Variants in DNAH14 observed in about 807,000 individuals in gnomAD.
The protein encoded by DNAH14 is axonemal beta dynein heavy chain 14.
In DNAH14, 478 loss-of-function variants were observed where a neutral mutation model predicts 520.9. The observed-to-expected ratio is 0.92, with a 90% CI of 0.85 to 0.99. DNAH14 has a LOEUF of 0.99. Among genes scored for constraint, DNAH14 ranks in the 50% least tolerant of loss-of-function variants. The pLI is 0.00. For synonymous variants in DNAH14, 1,581 were observed against 1,757.2 expected (o/e 0.90, Z 2.51); for missense variants, 4,831 against 5,234.5 (o/e 0.92, Z 2.38).
chr1:225,205,206 A>G (rs1025948709), intron 39 of DNAH14, among the ~76,000 whole-genome samples: 2 of 152,102 alleles, frequency 1.3e-5, no homozygotes, highest in Non-Finnish European at 2.9e-5. Flanking sequence ...TTGAAATTCT[A>G]ACTCCCAAGG....
At chr1:225,324,885 A>G (rs1324293122) in intron 64 of DNAH14, 53 bp downstream of exon 64, 1 of 1,373,800 alleles carries the variant, frequency 7.3e-7, no homozygotes, top group East Asian at 2.5e-5. Context: ...GGACAATGTA[A>G]TTATCTCAGG....
chr1:225,384,651 A>G (rs2095819346), intron 81 of DNAH14, among the ~76,000 whole-genome samples: 1 of 152,246 alleles, frequency 6.6e-6, no homozygotes, highest in Non-Finnish European at 1.5e-5. Flanking sequence ...ATTCCTGGAC[A>G]GGTACACCCT....
intron 60 of DNAH14, among the ~76,000 whole-genome samples, chr1:225,316,852 C>G (rs1241444458): frequency 6.6e-6 from 1 of 152,210 alleles, no homozygotes; most frequent in Non-Finnish European, 1.5e-5. Flanking sequence ...TACGTTTTCT[C>G]ACCGCATACT....
At chr1:225,327,649 A>G (rs2094705280) in intron 64 of DNAH14, among the ~76,000 whole-genome samples, 1 of 152,180 alleles carries the variant, frequency 6.6e-6, no homozygotes, top group South Asian at 2.1e-4. Flanking sequence ...ACCTAACTTC[A>G]CACCTGAAGG....
At chr1:225,327,034 A>C (rs2094687095) in intron 64 of DNAH14, among the ~76,000 whole-genome samples, 1 of 152,232 alleles carries the variant, frequency 6.6e-6, no homozygotes, top group African/African-American at 2.4e-5. Context: ...TCTCAGTTGC[A>C]CCTGAGATAT....
chr1:225,296,514 T>G (rs1023961726), intron 55 of DNAH14, among the ~76,000 whole-genome samples: 4 of 151,636 alleles, frequency 2.6e-5, no homozygotes, highest in Non-Finnish European at 4.4e-5. Context: ...GGGTGGTTTT[T>G]TTTTTTTTGC....
chr1:225,324,112 G>C lies in DNAH14; in HGVS notation c.9496-110G>C. 2.2e-6 allele frequency: 3 copies of C among 1,369,634 alleles called. No homozygotes were observed. In the Middle Eastern group the frequency reaches 6.8e-4, roughly 308 times the overall value. 84.8% of individuals were successfully genotyped at this position (1,369,634 alleles called of 1,614,324 possible). On this transcript the variant is annotated intron_variant, in intron 62 of 85. Coordinates refer to ENST00000682510, the MANE Select transcript of DNAH14 (RefSeq NM_001367479.1). ...TTTATAGGCATGAGCCGCCGCCCCC[G>C]GCCTGAATATTTTAATATGAAATAA...
rs186592733 is a variant in DNAH14 at position 225,377,215 on chromosome 1, T to C, written c.12517-22T>C. The C allele has an allele frequency of 6.4e-4, 883 of 1,376,132 alleles. 7 individuals are homozygous for C. Among genetic ancestry groups the C allele is most frequent in the Non-Finnish European group, 1.5e-4 (157 of 1,056,404 alleles). 85.2% of individuals were successfully genotyped at this position (1,376,132 alleles called of 1,614,324 possible). A position where few individuals can be genotyped will look rare whatever the true frequency, so the allele number is the denominator to read the frequency against. ...AAGTAGCAGGATTGAAGAAAAAAGC[T>C]AACAAAATGTTAAATTTTCAGATAT... On this transcript the variant is annotated intron_variant, in intron 78 of 85. Coordinates refer to ENST00000682510, the MANE Select transcript of DNAH14 (RefSeq NM_001367479.1).
At chr1:225,395,568 C>T (rs1251080412) in intron 84 of DNAH14, among the ~76,000 whole-genome samples, 3 of 135,946 alleles carry the variant, frequency 2.2e-5, no homozygotes. Context: ...CTCCAGCCTG[C>T]GCGACAGAGT....
chr1:225,089,163 G>T (rs2074095399), intron 21 of DNAH14, among the ~76,000 whole-genome samples: 1 of 152,136 alleles, frequency 6.6e-6, no homozygotes, highest in South Asian at 2.1e-4. Context: ...AAGAAAACAG[G>T]CTGGGTGCGA....
intron 49 of DNAH14, among the ~76,000 whole-genome samples, chr1:225,270,419 T>C (rs576462344): frequency 6.6e-6 from 1 of 152,092 alleles, no homozygotes; most frequent in African/African-American, 2.4e-5. Context: ...TATGTATACA[T>C]ATATAACAAA....
chr1:225,327,796 A>T (rs1427843147), intron 64 of DNAH14, among the ~76,000 whole-genome samples: 1 of 152,070 alleles, frequency 6.6e-6, no homozygotes, highest in East Asian at 1.9e-4. Context: ...TGGTTACTTG[A>T]AGAGATCATC....
chr1:225,091,174 A>T (rs1286335771), intron 21 of DNAH14, among the ~76,000 whole-genome samples: 1 of 152,130 alleles, frequency 6.6e-6, no homozygotes, highest in Admixed American at 6.5e-5. Context: ...GTATTTCAGG[A>T]TATTGTTCAT....
intron 61 of DNAH14, among the ~76,000 whole-genome samples, chr1:225,321,195 T>C (rs1370897879): frequency 6.6e-6 from 1 of 152,230 alleles, no homozygotes; most frequent in Non-Finnish European, 1.5e-5. Context: ...AAAATTAGAC[T>C]GTTAATGAGA....
intron 17 of DNAH14, among the ~76,000 whole-genome samples, chr1:225,075,301 G>A (rs1438138558): frequency 1.3e-5 from 2 of 152,034 alleles, no homozygotes; most frequent in East Asian, 1.9e-4. Flanking sequence ...TCTGTTCTCC[G>A]TGGGTCGAGT....
At chr1:225,041,990 T>C (rs1480493042) in intron 12 of DNAH14, among the ~76,000 whole-genome samples, 1 of 152,206 alleles carries the variant, frequency 6.6e-6, no homozygotes, top group Non-Finnish European at 1.5e-5. Context: ...TTTCCATTTC[T>C]ACAGCTTTTC....
At chr1:225,075,306 T>C (rs956730071) in intron 17 of DNAH14, among the ~76,000 whole-genome samples, 3 of 152,232 alleles carry the variant, frequency 2.0e-5, no homozygotes, top group East Asian at 1.9e-4. Context: ...TCTCCGTGGG[T>C]CGAGTTGTTT....
chr1:224,999,133 A>T lies in DNAH14; in HGVS notation c.831-3650A>T, dbSNP rs376734338. On this transcript the variant is annotated intron_variant, in intron 8 of 85. Transcript: ENST00000682510. Reference sequence around the variant, plus strand: ...TATCTTTCCCATCCTTTTACTTTTGATATGCCTATTATTTGAAGTGAGTTT... The same window carrying T: ...TATCTTTCCCATCCTTTTACTTTTGTTATGCCTATTATTTGAAGTGAGTTT... 2.2e-3 allele frequency among the ~76,000 whole-genome samples: 319 copies of T among 144,956 alleles called. 1 individual carries two copies. The highest frequency in any genetic ancestry group is 8.5e-3 in the African/African-American group (305 of 35,832).
chr1:225,398,056 A>AC (rs903470329), intron 84 of DNAH14: 1 of 151,878 alleles, frequency 6.6e-6, no homozygotes, highest in Non-Finnish European at 1.5e-5. Flanking sequence ...CAAAAAAAAA[A>AC]AAAAAAAAAA....
Sources: gnomAD v4.1 joint callset for allele counts (sites outside exome capture counted in the v4.1 genomes callset) on GRCh38, gnomAD v4.1.1 for gene constraint, MANE v1.5 for transcripts, NCBI Gene and HGNC (gene_info 2026-07-23, HGNC 2026-07-21) for gene names.